The following TRPM4 variants were observed in gnomAD, a reference collection of about 807,000 sequenced individuals.
TRPM4 encodes the protein calcium-activated non-selective cation channel 1.
In TRPM4, 124 loss-of-function variants were observed where a neutral mutation model predicts 135.6. The observed-to-expected ratio is 0.91, with a 90% confidence interval of 0.79 to 1.06. The LOEUF (loss-of-function observed/expected upper bound fraction) is 1.06, where lower values mean the gene tolerates loss of function less well. TRPM4 is among the 50% of genes least tolerant of loss of function. The pLI, the probability that TRPM4 is intolerant of heterozygous loss-of-function variation, is 0.00. For missense variants in TRPM4, 1,658 were observed against 1,671.4 expected (o/e 0.99, Z 0.14); for synonymous variants, 745 against 705.6 (o/e 1.06, Z -0.88).
rs764647375 is a variant in TRPM4, at chr19:49,204,865, AT to A, written c.3131+2738del. 8.6e-3 allele frequency among the ~76,000 whole-genome samples: 900 copies of A among 104,238 alleles called. 1 individual carries two copies. In the Middle Eastern group the frequency reaches 0.092, roughly 11 times the overall value. 68.4% of individuals were successfully genotyped at this position (104,238 alleles called of 152,430 possible). A position where few individuals can be genotyped will look rare whatever the true frequency, so the allele number is the denominator to read the frequency against. On this transcript the variant is annotated intron_variant, in intron 20 of 24. Transcript: ENST00000252826. The stretch of plus-strand genomic sequence containing the variant: ...GCGTGAGCCACCGTGCCCAGCGGCT[AT>A]TTTTTTTTTTTTTAATGAAACTCCT...
At position 49,168,264 on chromosome 19, in the gene TRPM4, C is replaced by T; in HGVS notation, c.453C>T (p.Ala151=). The change falls in exon 5 of 25, where the codon GCC becomes GCT. Residue 151 remains alanine (A), a synonymous_variant. Coordinates refer to ENST00000252826, the MANE Select transcript of TRPM4 (RefSeq NM_017636.4). Reference sequence around the variant, plus strand: ...TGTTCCTCGGCGTCTGTGTAGGAGCCTGGATTGTCACTGGGGGTCTGCACA... The same window carrying T: ...TGTTCCTCGGCGTCTGTGTAGGAGCTTGGATTGTCACTGGGGGTCTGCACA... ...GLVRAAQSTG[A]WIVTGGLHTG... 6.2e-7 allele frequency: 1 copy of T among 1,614,130 alleles called. No homozygotes were observed. Among genetic ancestry groups the T allele is most frequent in the Admixed American group, 1.7e-5 (1 of 60,022 alleles).
Position 49,210,991 on chromosome 19 carries a change from C to G in TRPM4, c.3462-24C>G. ...GGGGTGGGTGGGCTGCGGGTGCCCC[C>G]GGTAAGAGGCCCTCCCTTCTCAGGG... is the stretch of plus-strand genomic sequence containing the variant. On this transcript the variant is annotated intron_variant, in intron 22 of 24. Transcript: ENST00000252826. The surrounding 1 kb of genome is among the most constrained non-coding windows in gnomAD (Gnocchi z 4.1). 6.2e-7 allele frequency: 1 copy of G among 1,612,612 alleles called. No individual in the cohort carries two copies. The highest frequency in any genetic ancestry group is 8.5e-7 in the Non-Finnish European group (1 of 1,179,558).
At chr19:49,164,044 T>C (rs1452339332) in intron 2 of TRPM4, among the ~76,000 whole-genome samples, 1 of 152,232 alleles carries the variant, frequency 6.6e-6, no homozygotes, top group East Asian at 1.9e-4. Flanking sequence ...TTAGTGTCTT[T>C]ACGGCTTTTG....
intron 2 of TRPM4, chr19:49,158,624 A>C: frequency 4.0e-6 from 1 of 250,448 alleles, no homozygotes; most frequent in Non-Finnish European, 7.8e-6. Context: ...TCATTCATCC[A>C]TCCATGCAAG....
chr19:49,197,308 T>TTTTC (rs78342507), intron 17 of TRPM4, among the ~76,000 whole-genome samples: 9,153 of 121,728 alleles, frequency 0.075, 383 homozygotes, highest in East Asian at 0.11. Flanking sequence ...CTTTCTTTCT[T>TTTTC]TTTCTTTCTT....
chr19:49,208,928 C>T (rs1318450925), intron 20 of TRPM4, among the ~76,000 whole-genome samples: 1 of 147,434 alleles, frequency 6.8e-6, no homozygotes, highest in Non-Finnish European at 1.5e-5. Context: ...CACTGCACTC[C>T]AGCCTGTGGG....
chr19:49,181,567 T>G, intron 10 of TRPM4, 106 bp downstream of exon 10: 1 of 778,812 alleles, frequency 1.3e-6, no homozygotes, highest in Non-Finnish European at 2.0e-6. Flanking sequence ...AGTCTCACTC[T>G]GTCACCCAGC....
At chr19:49,202,820 G>A (rs1043192356) in intron 20 of TRPM4, among the ~76,000 whole-genome samples, 1 of 151,580 alleles carries the variant, frequency 6.6e-6, no homozygotes, top group Non-Finnish European at 1.5e-5. Context: ...GTGAGCCATC[G>A]CGCCCAGCCA....
chr19:49,195,624 C>T (rs1600496612), intron 16 of TRPM4, among the ~76,000 whole-genome samples: 1 of 151,948 alleles, frequency 6.6e-6, no homozygotes. Context: ...CCTGCCTCGG[C>T]CTCCCCAAAT....
At position 49,211,061 on chromosome 19, in the gene TRPM4, C is replaced by A. The variant is rs765080296; in HGVS notation, c.3508C>A (p.Gln1170Lys). Residue 1170 changes from glutamine (Q) to lysine (K), a missense_variant, in exon 23 of 25, where the codon CAG becomes AAG. Physicochemically the swap from Gln to Lys is moderately conservative, Grantham distance 53. Around this residue, in one of 3 missense-constraint regions of TRPM4, gnomAD observed 1,412 missense variants for 1,408.7 expected, o/e 1.00. Coordinates refer to ENST00000252826, the MANE Select transcript of TRPM4 (RefSeq NM_017636.4). This position sits in a 1 kb window ranked among gnomAD's most constrained non-coding sequence, Gnocchi z 4.8. ...KQLGHIREYE[Q>K]RLKVLEREVQ... ...GCTGGGACACATCCGCGAGTACGAA[C>A]AGCGCCTGAAAGTGCTGGAGCGGGA... 6.2e-7 allele frequency: 1 copy of A among 1,614,024 alleles called. No homozygotes were observed. The highest frequency in any genetic ancestry group is 1.3e-5 in the African/African-American group (1 of 74,918).
chr19:49,170,773 T>C (rs1967423304), intron 6 of TRPM4, among the ~76,000 whole-genome samples: 1 of 152,112 alleles, frequency 6.6e-6, no homozygotes. Context: ...AGCTCCCTCC[T>C]GAAGTGTCCA....
rs183118507 is a variant in TRPM4 at position 49,196,032 on chromosome 19, T to C, written c.2211-408T>C. Among the ~76,000 whole-genome samples, 1,044 of 152,062 alleles carry C rather than the reference T, an allele frequency of 6.9e-3. 11 individuals carry two copies. The highest frequency in any genetic ancestry group is 0.024 in the African/African-American group (1,003 of 41,500). ...CGCCACCAGACCCGGCTAATTTTTGTATTTTTAGTAGAGACAGGGTTTCAC... is the reference window on the plus strand; with the variant it reads ...CGCCACCAGACCCGGCTAATTTTTGCATTTTTAGTAGAGACAGGGTTTCAC... On this transcript the variant is annotated intron_variant, in intron 16 of 24. Coordinates refer to ENST00000252826, the MANE Select transcript of TRPM4 (RefSeq NM_017636.4).
intron 20 of TRPM4, among the ~76,000 whole-genome samples, chr19:49,202,946 G>T (rs1301837150): frequency 7.4e-6 from 1 of 136,046 alleles, no homozygotes; most frequent in Non-Finnish European, 1.5e-5. Context: ...GCAGTGGCAC[G>T]ATCTCACAAT....
At position 49,163,340 on chromosome 19, in the gene TRPM4, C is replaced by T. The variant is rs1477833942; in HGVS notation, c.93-2701C>T. Among the ~76,000 whole-genome samples the T allele has an allele frequency of 5.1e-4, 77 of 151,656 alleles. 3 individuals carry two copies. The highest frequency in any genetic ancestry group is 4.7e-3 in the Admixed American group (72 of 15,204). On this transcript the variant is annotated intron_variant, in intron 2 of 24. Transcript: ENST00000252826. ...CCTCCTGAGTAGCTGGGACTACAGG[C>T]GCGTACCACCATGCCCGGCTAATTT...
chr19:49,165,886 C>T (rs1600399614), intron 2 of TRPM4, among the ~76,000 whole-genome samples, 155 bp from the exon 3 acceptor site: 1 of 152,190 alleles, frequency 6.6e-6, no homozygotes, highest in Non-Finnish European at 1.5e-5. Flanking sequence ...TCCCCGAGGC[C>T]GTCAGAGCCA....
At position 49,206,435 on chromosome 19, in the gene TRPM4, C is replaced by CT. The variant is rs1318548355; in HGVS notation, c.3132-3762dup. Among the ~76,000 whole-genome samples, 641 of 143,238 alleles carry CT rather than the reference C, an allele frequency of 4.5e-3. 3 individuals are homozygous for CT. The highest frequency in any genetic ancestry group is 0.012 in the African/African-American group (481 of 39,166). 94.0% of individuals were successfully genotyped at this position (143,238 alleles called of 152,430 possible). A position where few individuals can be genotyped will look rare whatever the true frequency, so the allele number is the denominator to read the frequency against. On this transcript the variant is annotated intron_variant, in intron 20 of 24. Transcript: ENST00000252826. ...GTTGTTGGAATTTTCTTTTTTTTTCCTTTTTTTTTTTTCTTTTTTTTGAGA... is the reference window on the plus strand; with the variant it reads ...GTTGTTGGAATTTTCTTTTTTTTTCCTTTTTTTTTTTTTCTTTTTTTTGAGA...
In TRPM4 at chr19:49,200,738, G is replaced by C; in HGVS notation, c.2906G>C (p.Arg969Pro). ...FPSILRRVFY[R>P]PYLQIFGQIP... is the part of the protein sequence containing the mutation. ...AGTATCCTGCGCCGCGTCTTCTACC[G>C]TCCCTACCTGCAGATCTTCGGGCAG... The change falls in exon 19 of 25, where the codon CGT becomes CCT. Residue 969 changes from arginine to proline, a missense_variant. By Grantham distance (103) the Arg-to-Pro change is moderately radical (BLOSUM62 -2). Around this residue, in one of 3 missense-constraint regions of TRPM4, gnomAD observed 1,412 missense variants for 1,408.7 expected, o/e 1.00. Coordinates refer to ENST00000252826, the MANE Select transcript of TRPM4 (RefSeq NM_017636.4). 1 of 1,614,106 alleles carries C rather than the reference G, an allele frequency of 6.2e-7. No individual in the cohort carries two copies. The highest frequency in any genetic ancestry group is 8.5e-7 in the Non-Finnish European group (1 of 1,180,024).
At chr19:49,167,425 A>C (rs1486774234) in intron 3 of TRPM4, among the ~76,000 whole-genome samples, 6 of 47,080 alleles carry the variant, frequency 1.3e-4, no homozygotes, top group Non-Finnish European at 2.4e-4. Context: ...TTCTGTCCCC[A>C]TCTCTCTGGG....
chr19:49,158,074 G>A, intron 1 of TRPM4, 118 bp from the exon 2 acceptor site: 1 of 1,305,572 alleles, frequency 7.7e-7, no homozygotes, highest in Non-Finnish European at 1.1e-6. Flanking sequence ...GAGGGCGCTG[G>A]GGGCCCGGAC....
Sources: allele counts gnomAD v4.1 joint callset (sites outside exome capture counted in the v4.1 genomes callset), GRCh38; gene constraint gnomAD v4.1.1; regional missense constraint gnomAD v4.1.1; non-coding constraint Gnocchi (gnomAD v3.1); transcripts MANE v1.5; gene names NCBI Gene and HGNC (gene_info 2026-07-23, HGNC 2026-07-21).